The following RIN2 variants were observed in gnomAD, a reference collection of about 807,000 sequenced individuals.
RIN2 encodes Ras and Rab interactor 2.
Under a neutral mutation model 78.0 loss-of-function variants are expected in RIN2, and 36 were observed. That is an observed-to-expected ratio of 0.46 (90% CI 0.35 to 0.61). The LOEUF (loss-of-function observed/expected upper bound fraction) is 0.61, where lower values mean the gene tolerates loss of function less well. Ranked by LOEUF, RIN2 falls within the 20% of genes least tolerant of loss-of-function variation. RIN2 has a pLI of 0.00. For synonymous variants in RIN2, 466 were observed against 466.8 expected (o/e 1.00, Z 0.02); for missense variants, 1,087 against 1,159.7 (o/e 0.94, Z 0.91).
At chr20:19,830,107 C>T (rs1326611606) in intron 2 of RIN2, among the ~76,000 whole-genome samples, 2 of 152,178 alleles carry the variant, frequency 1.3e-5, no homozygotes, top group Admixed American at 6.5e-5. Flanking sequence ...GATAGCAGTC[C>T]ACCTCAGGAA....
intron 2 of RIN2, among the ~76,000 whole-genome samples, chr20:19,848,640 C>A (rs1341215241): frequency 7.5e-6 from 1 of 134,076 alleles, no homozygotes; most frequent in Non-Finnish European, 1.6e-5. Flanking sequence ...TAACAATCCT[C>A]TTCCCGGTTT....
intron 2 of RIN2, among the ~76,000 whole-genome samples, chr20:19,833,951 C>T (rs1212937804): frequency 1.3e-5 from 2 of 152,126 alleles, no homozygotes; most frequent in Non-Finnish European, 2.9e-5. Flanking sequence ...GTCCCCGTCC[C>T]CTTCTCCTGA....
chr20:19,767,383 T>C (rs2033930326), intron 1 of RIN2, among the ~76,000 whole-genome samples: 1 of 152,196 alleles, frequency 6.6e-6, no homozygotes, highest in African/African-American at 2.4e-5. Flanking sequence ...GGCCAGTTTT[T>C]ACACAGAATG....
rs765394964 is a variant in RIN2, at chr20:19,956,671, C to T, written c.215C>T (p.Ala72Val). 1 of 1,613,242 alleles carries T rather than the reference C, an allele frequency of 6.2e-7. No individual in the cohort carries two copies. Among genetic ancestry groups the T allele is most frequent in the Non-Finnish European group, 8.5e-7 (1 of 1,179,648 alleles). Reference protein sequence around the residue: ...YSEEEDVKTCARDSGYDSLSN... With the variant: ...YSEEEDVKTCVRDSGYDSLSN... ...GAGGAAGAGGACGTGAAGACCTGTGCCCGGGACTCAGGCTATGACAGCCTC... is the reference window on the plus strand; with the variant it reads ...GAGGAAGAGGACGTGAAGACCTGTGTCCGGGACTCAGGCTATGACAGCCTC... The change falls in exon 5 of 13, where the codon GCC (alanine) becomes GTC (valine). Residue 72 changes from alanine to valine, a missense_variant. This residue lies in a region of RIN2 where 706 missense variants were observed against 667.5 expected (regional missense o/e 1.06). Transcript: ENST00000255006.
At chr20:19,967,013 C>G (rs1032661540) in intron 7 of RIN2, among the ~76,000 whole-genome samples, 1 of 152,158 alleles carries the variant, frequency 6.6e-6, no homozygotes, top group African/African-American at 2.4e-5. Flanking sequence ...AATGCTAACA[C>G]GTTGGCCAGG....
chr20:19,956,946 T>A (rs2041569066), intron 5 of RIN2, 139 bp downstream of exon 5: 1 of 699,064 alleles, frequency 1.4e-6, no homozygotes, highest in Admixed American at 3.0e-5. Context: ...TGGTTTTCAA[T>A]GCAGAAATAT....
At chr20:19,921,228 A>G (rs937795175) in intron 3 of RIN2, among the ~76,000 whole-genome samples, 3 of 152,198 alleles carry the variant, frequency 2.0e-5, no homozygotes, top group African/African-American at 4.8e-5. Context: ...TTTACACTCA[A>G]TGAGAACTTC....
intron 1 of RIN2, among the ~76,000 whole-genome samples, chr20:19,792,048 C>A (rs963359338): frequency 6.6e-6 from 1 of 152,192 alleles, no homozygotes; most frequent in Non-Finnish European, 1.5e-5. Flanking sequence ...ACAAGTGGGA[C>A]TCCTTCCAGG....
At chr20:19,928,628 C>G (rs2040322841) in intron 3 of RIN2, among the ~76,000 whole-genome samples, 1 of 152,218 alleles carries the variant, frequency 6.6e-6, no homozygotes, top group Non-Finnish European at 1.5e-5. Flanking sequence ...TGGGAAAGAA[C>G]TTGGGCCTTC....
intron 3 of RIN2, among the ~76,000 whole-genome samples, chr20:19,932,252 T>C (rs1186615709): frequency 6.6e-6 from 1 of 152,194 alleles, no homozygotes; most frequent in African/African-American, 2.4e-5. Flanking sequence ...TCTCCCTGTC[T>C]CCACTCACTT....
chr20:19,894,451 T>C (rs1188834650), intron 3 of RIN2, among the ~76,000 whole-genome samples: 1 of 152,190 alleles, frequency 6.6e-6, no homozygotes, highest in East Asian at 1.9e-4. Context: ...ATGGATTCTC[T>C]GTGTTGTCCA....
rs541700828 is a variant in RIN2, at chr20:19,978,424, G to A, written c.1762+2637G>A. Among the ~76,000 whole-genome samples the A allele has an allele frequency of 7.9e-5, 12 of 152,328 alleles. No individual in the cohort carries two copies. In the South Asian group the frequency reaches 2.5e-3, roughly 32 times the overall value. On this transcript the variant is annotated intron_variant, in intron 9 of 12. Coordinates refer to ENST00000255006, the MANE Select transcript of RIN2 (RefSeq NM_018993.4). ...GTCTTCTTCAGAGGGTGGTTCTTCA[G>A]TTACATAGAGAAAAGCTAATGAGAA... is the stretch of plus-strand genomic sequence containing the variant.
At chr20:19,836,598 T>G (rs995943539) in intron 2 of RIN2, among the ~76,000 whole-genome samples, 14 of 150,970 alleles carry the variant, frequency 9.3e-5, no homozygotes, top group Non-Finnish European at 1.8e-4. Flanking sequence ...GACCATGAGC[T>G]CTCTCTCTCT....
chr20:19,765,123 T>G (rs538245640), intron 1 of RIN2, among the ~76,000 whole-genome samples: 1 of 151,998 alleles, frequency 6.6e-6, no homozygotes, highest in South Asian at 2.1e-4. Flanking sequence ...GTGCTGGGAT[T>G]ACAGGCGTGA....
At chr20:19,867,666 G>T (rs757023072) in intron 2 of RIN2, among the ~76,000 whole-genome samples, 1 of 152,196 alleles carries the variant, frequency 6.6e-6, no homozygotes, top group Non-Finnish European at 1.5e-5. Flanking sequence ...AGAGTGATGC[G>T]GTGGCCTCCT....
chr20:19,930,794 C>A (rs574677821), intron 3 of RIN2, among the ~76,000 whole-genome samples: 1 of 152,306 alleles, frequency 6.6e-6, no homozygotes, highest in Admixed American at 6.5e-5. Context: ...CCTTTTTAGT[C>A]CCTTCACTCC....
rs1303617138 is a variant in RIN2, at chr20:19,975,382, T to A, written c.1357T>A (p.Tyr453Asn). 6.2e-7 allele frequency: 1 copy of A among 1,614,014 alleles called. No homozygotes were observed. Among genetic ancestry groups the A allele is most frequent in the Admixed American group, 1.7e-5 (1 of 60,032 alleles). The part of the protein sequence containing the change: ...EFDRSMPLFG[Y>N]EADTNSSLED... Reference sequence around the variant, plus strand: ...CGACCGGAGCATGCCTCTGTTTGGCTACGAGGCGGACACCAACAGCAGCCT... The same window carrying A: ...CGACCGGAGCATGCCTCTGTTTGGCAACGAGGCGGACACCAACAGCAGCCT... The change falls in exon 9 of 13, where the codon TAC (tyrosine) becomes AAC (asparagine). Residue 453 changes from tyrosine (Y) to asparagine (N), a missense_variant. Physicochemically the swap from Tyr to Asn is moderately radical, Grantham distance 143. Around this residue, in one of 8 missense-constraint regions of RIN2, gnomAD observed 706 missense variants for 667.5 expected, o/e 1.06. Coordinates refer to ENST00000255006, the MANE Select transcript of RIN2 (RefSeq NM_018993.4). The surrounding 1 kb of genome is among the most constrained non-coding windows in gnomAD (Gnocchi z 4.9).
At chr20:19,987,808 T>A (rs1482678778) in intron 9 of RIN2, among the ~76,000 whole-genome samples, 1 of 152,236 alleles carries the variant, frequency 6.6e-6, no homozygotes, top group East Asian at 1.9e-4. Flanking sequence ...TTTTTCCTAC[T>A]TTATAACCTC....
intron 1 of RIN2, among the ~76,000 whole-genome samples, chr20:19,766,383 T>G (rs1438019513): frequency 6.6e-6 from 1 of 152,108 alleles, no homozygotes; most frequent in Non-Finnish European, 1.5e-5. Flanking sequence ...TGTGCTTCCA[T>G]GGGACGTTGG....
Sources: allele counts gnomAD v4.1 joint callset (sites outside exome capture counted in the v4.1 genomes callset), GRCh38; gene constraint gnomAD v4.1.1; regional missense constraint gnomAD v4.1.1; non-coding constraint Gnocchi (gnomAD v3.1); transcripts MANE v1.5; gene names NCBI Gene and HGNC (gene_info 2026-07-23, HGNC 2026-07-21).